Variants in CDC42BPA observed in about 807,000 individuals in gnomAD.
CDC42BPA encodes serine/threonine-protein kinase MRCK alpha.
In CDC42BPA, 80 loss-of-function variants were observed where a neutral mutation model predicts 223.5. That is an observed-to-expected ratio of 0.36 (90% CI 0.30 to 0.43). The LOEUF (loss-of-function observed/expected upper bound fraction) is 0.43. CDC42BPA is among the 20% of genes least tolerant of loss of function. The pLI is 1.00. For synonymous variants in CDC42BPA, 694 were observed against 718.6 expected (o/e 0.97, Z 0.55); for missense variants, 1,743 against 2,099.9 (o/e 0.83, Z 3.32).
At chr1:227,003,099 TTGGG>T (rs1663211197) in intron 35 of CDC42BPA, among the ~76,000 whole-genome samples, 1 of 152,098 alleles carries the variant, frequency 6.6e-6, no homozygotes, top group Non-Finnish European at 1.5e-5. Context: ...TGGGCACAAA[TTGGG>T]TGCCAAAATC....
chr1:227,029,639 T>C (rs12122759), intron 29 of CDC42BPA, among the ~76,000 whole-genome samples: 21,449 of 152,192 alleles, frequency 0.14, 1,897 homozygotes, highest in South Asian at 0.34. Context: ...ATGATCTAAG[T>C]TGACATAAAG....
chr1:227,188,457 T>C (rs956012798), intron 5 of CDC42BPA, among the ~76,000 whole-genome samples: 7 of 151,782 alleles, frequency 4.6e-5, no homozygotes, highest in African/African-American at 1.7e-4. Flanking sequence ...TCATTCACAA[T>C]TCCCAAAACT....
chr1:227,043,256 T>C (rs1190528805), intron 23 of CDC42BPA, among the ~76,000 whole-genome samples: 1 of 151,826 alleles, frequency 6.6e-6, no homozygotes, highest in Non-Finnish European at 1.5e-5. Flanking sequence ...CTATTAAAAA[T>C]ACAAAAATTA....
chr1:227,271,362 T>C (rs34263105), intron 1 of CDC42BPA, among the ~76,000 whole-genome samples: 13,170 of 152,156 alleles, frequency 0.087, 794 homozygotes, highest in Middle Eastern at 0.15. Flanking sequence ...TTGTGCACAG[T>C]AGAGGGATAT....
chr1:227,305,528 C>G (rs752586566), intron 1 of CDC42BPA, among the ~76,000 whole-genome samples: 30 of 152,300 alleles, frequency 2.0e-4, no homozygotes, highest in Admixed American at 4.6e-4. Flanking sequence ...TCAAAGATTA[C>G]TAGGTCCTCT....
At position 227,207,797 on chromosome 1, in the gene CDC42BPA, G is replaced by A. The variant is rs1170769334; in HGVS notation, c.354+5339C>T. Among the ~76,000 whole-genome samples the A allele has an allele frequency of 1.2e-3, 163 of 134,324 alleles. 1 individual carries two copies. The highest frequency in any genetic ancestry group is 4.2e-3 in the African/African-American group (147 of 34,954). 88.1% of individuals were successfully genotyped at this position (134,324 alleles called of 152,430 possible). ...ACATCTGGGTTGGTTCCAAGTCTTTGCTATTGTGAATAATGCCGCAATAAA... is the reference window on the plus strand; with the variant it reads ...ACATCTGGGTTGGTTCCAAGTCTTTACTATTGTGAATAATGCCGCAATAAA... On this transcript the variant is annotated intron_variant, in intron 3 of 36. Transcript: ENST00000366766.
chr1:227,015,931 A>T, intron 34 of CDC42BPA, 149 bp downstream of exon 34: 1 of 548,434 alleles, frequency 1.8e-6, no homozygotes. Context: ...GTATGTCATC[A>T]TGTATCTTAG....
intron 2 of CDC42BPA, 125 bp downstream of exon 2, chr1:227,253,939 A>G (rs1682609826): frequency 1.4e-6 from 1 of 701,506 alleles, no homozygotes. Context: ...CAATCACATC[A>G]ATCACAACTT....
intron 11 of CDC42BPA, among the ~76,000 whole-genome samples, chr1:227,123,864 T>C (rs1013886662): frequency 6.6e-6 from 1 of 152,088 alleles, no homozygotes; most frequent in Admixed American, 6.5e-5. Context: ...AGAGTGTGTG[T>C]GTGTTAGTTT....
At chr1:227,287,926 T>C (rs574265105) in intron 1 of CDC42BPA, among the ~76,000 whole-genome samples, 1 of 152,338 alleles carries the variant, frequency 6.6e-6, no homozygotes, top group Admixed American at 6.5e-5. Context: ...TTAAAATTCA[T>C]TACTGAGGGG....
chr1:227,242,841 A>G (rs1312006478), intron 2 of CDC42BPA, among the ~76,000 whole-genome samples: 1 of 152,220 alleles, frequency 6.6e-6, no homozygotes, highest in Admixed American at 6.5e-5. Context: ...CCAAAGGAAT[A>G]TAAATTGTTC....
At position 227,318,273 on chromosome 1, in the gene CDC42BPA, A is replaced by T. The variant is rs67070254; in HGVS notation, c.-1091T>A. 0.28 allele frequency: 32,694 copies of T among 117,282 alleles called. 3,992 individuals are homozygous for T. The highest frequency in any genetic ancestry group is 0.45 in the East Asian group (1,873 of 4,200). 7.3% of individuals were successfully genotyped at this position (117,282 alleles called of 1,614,324 possible). A position where few individuals can be genotyped will look rare whatever the true frequency, so the allele number is the denominator to read the frequency against. ...ACCCCTGGGCTAAGGGCATCTTTCC[A>T]CAGCGAGGAGGGAGGCGGCCCGGCG... On this transcript the variant is annotated 5_prime_UTR_variant, in exon 1 of 37. Transcript: ENST00000366766.
intron 3 of CDC42BPA, among the ~76,000 whole-genome samples, chr1:227,209,346 A>G (rs1406919911): frequency 2.1e-5 from 3 of 144,792 alleles, no homozygotes; most frequent in African/African-American, 7.8e-5. Context: ...AATACCCTTT[A>G]TTTCCTTCTC....
intron 3 of CDC42BPA, among the ~76,000 whole-genome samples, chr1:227,206,818 C>T (rs1672816879): frequency 6.6e-6 from 1 of 152,082 alleles, no homozygotes; most frequent in Non-Finnish European, 1.5e-5. Flanking sequence ...CAATAAATCA[C>T]ACTTGGGCAT....
At chr1:227,185,581 C>T (rs1298158694) in intron 5 of CDC42BPA, among the ~76,000 whole-genome samples, 1 of 152,184 alleles carries the variant, frequency 6.6e-6, no homozygotes, top group Non-Finnish European at 1.5e-5. Flanking sequence ...CTGCCTCCTC[C>T]AGCCTTCCAG....
At chr1:227,037,614 T>C (rs1180687922) in intron 24 of CDC42BPA, among the ~76,000 whole-genome samples, 2 of 152,182 alleles carry the variant, frequency 1.3e-5, no homozygotes, top group Non-Finnish European at 2.9e-5. Context: ...AACACATGCA[T>C]CTGATGGGGA....
At chr1:227,194,735 ATTT>A (rs1463804646) in intron 4 of CDC42BPA, among the ~76,000 whole-genome samples, 1 of 152,176 alleles carries the variant, frequency 6.6e-6, no homozygotes, top group African/African-American at 2.4e-5. Context: ...ATTATATATT[ATTT>A]TTAAGTGAGG....
intron 2 of CDC42BPA, among the ~76,000 whole-genome samples, chr1:227,250,598 A>ATG (rs1172353083): frequency 6.6e-6 from 1 of 152,040 alleles, no homozygotes; most frequent in Non-Finnish European, 1.5e-5. Context: ...ATCGAGTTAT[A>ATG]TGTGTGTATA....
At chr1:227,301,797 CA>C (rs974910597) in intron 1 of CDC42BPA, among the ~76,000 whole-genome samples, 9 of 148,506 alleles carry the variant, frequency 6.1e-5, no homozygotes, top group Admixed American at 6.7e-5. Context: ...TCACTTCCAC[CA>C]AAAAAAAAAT....
Sources: gnomAD v4.1 joint callset for allele counts (sites outside exome capture counted in the v4.1 genomes callset) on GRCh38, gnomAD v4.1.1 for gene constraint, MANE v1.5 for transcripts, NCBI Gene and HGNC (gene_info 2026-07-23, HGNC 2026-07-21) for gene names.